The following IGSF9 variants were observed in gnomAD, a reference collection of about 807,000 sequenced individuals.
The protein encoded by IGSF9 is immunoglobulin superfamily member 9, also known as protein turtle homolog A.
A neutral mutation model predicts 121.7 loss-of-function variants in IGSF9; 87 were observed. The observed-to-expected ratio is 0.71, with a 90% CI of 0.60 to 0.85. The LOEUF (loss-of-function observed/expected upper bound fraction) is 0.85. Ranked by LOEUF, IGSF9 falls within the 40% of genes least tolerant of loss-of-function variation. The pLI, the probability that IGSF9 is intolerant of heterozygous loss-of-function variation, is 0.00. For synonymous variants in IGSF9, 640 were observed against 648.4 expected (o/e 0.99, Z 0.20); for missense variants, 1,462 against 1,565.3 (o/e 0.93, Z 1.11).
chr1:159,936,024 G>A (rs1274570813), intron 6 of IGSF9, among the ~76,000 whole-genome samples: 1 of 152,194 alleles, frequency 6.6e-6, no homozygotes, highest in African/African-American at 2.4e-5. Flanking sequence ...GAATTACCAT[G>A]TGCCAGTGAC....
rs143630342 is a variant in IGSF9, at chr1:159,937,758, C to T, written c.328G>A (p.Val110Met). The change falls in exon 4 of 21, where the codon GTG (valine) becomes ATG (methionine). Residue 110 changes from valine (V) to methionine (M), a missense_variant. Coordinates refer to ENST00000368094, the MANE Select transcript of IGSF9 (RefSeq NM_001135050.2). ...VEDQGWYECR[V>M]FFLDQHIPED... ...GGGATGTGCTGGTCCAGGAAGAACA[C>T]GCGGCACTCGTACCAGCCCTGGTCT... 35 of 1,613,940 alleles carry T rather than the reference C, an allele frequency of 2.2e-5. No homozygotes were observed. Among genetic ancestry groups the T allele is most frequent in the Middle Eastern group, 3.3e-4 (2 of 6,080 alleles).
At chr1:159,935,400 T>G (rs1171877559) in intron 6 of IGSF9, among the ~76,000 whole-genome samples, 1 of 152,182 alleles carries the variant, frequency 6.6e-6, no homozygotes. Flanking sequence ...CAGCCATCTT[T>G]CCATATGTCA....
intron 3 of IGSF9, 30 bp from the exon 4 acceptor site, chr1:159,937,868 T>C (rs746806645): frequency 1.1e-4 from 169 of 1,603,386 alleles, no homozygotes; most frequent in Admixed American, 7.0e-4. Context: ...TCAAGGGTGC[T>C]GAAGGAACCC....
intron 17 of IGSF9, 23 bp from the exon 18 acceptor site, chr1:159,929,416 G>C (rs1364778196): frequency 6.2e-7 from 1 of 1,613,584 alleles, no homozygotes; most frequent in East Asian, 2.2e-5. Flanking sequence ...GAGAATAGTA[G>C]GTGACACAGG....
intron 17 of IGSF9, 99 bp downstream of exon 17, chr1:159,929,539 T>C (rs1650894184): frequency 6.7e-7 from 1 of 1,490,408 alleles, no homozygotes; most frequent in Admixed American, 2.1e-5. Context: ...AGAATGCACC[T>C]GGATCACACA....
intron 3 of IGSF9, among the ~76,000 whole-genome samples, chr1:159,942,028 A>G (rs920327135): frequency 1.2e-4 from 18 of 152,232 alleles, no homozygotes; most frequent in African/African-American, 4.3e-4. Flanking sequence ...TAAAGAGGGA[A>G]AAGGTGGGGG....
Position 159,932,648 on chromosome 1 carries a change from G to A in IGSF9, c.1109C>T (p.Pro370Leu), listed in dbSNP as rs116177033. ...DGKALQLDKF[P>L]GWSQGTEGSL... Reference sequence around the variant, plus strand: ...GCCTTCTGTGCCCTGGGACCAGCCAGGGAACTGGAAGGAAGAGAAGATGAC... The same window carrying A: ...GCCTTCTGTGCCCTGGGACCAGCCAAGGAACTGGAAGGAAGAGAAGATGAC... The change falls in exon 10 of 21, where the codon CCT becomes CTT. Residue 370 changes from proline to leucine, a missense_variant. Physicochemically the swap from Pro to Leu is moderately conservative, Grantham distance 98. Coordinates refer to ENST00000368094, the MANE Select transcript of IGSF9 (RefSeq NM_001135050.2). This position sits in a 1 kb window ranked among gnomAD's most constrained non-coding sequence, Gnocchi z 4.1. The A allele has an allele frequency of 3.0e-3, 4,804 of 1,611,158 alleles. 12 individuals carry two copies. The highest frequency in any genetic ancestry group is 3.6e-3 in the Non-Finnish European group (4,196 of 1,178,050).
chr1:159,929,654 G>T lies in IGSF9; in HGVS notation c.2310C>A (p.Arg770=). ...LNRRRAARRR[R]KRLRQDPPLI... ...GGGACTTACCTTGGCGGAGGCGCTT[G>T]CGGCGGCGGCGGGCAGCCCTGCGCC... Residue 770 remains arginine (R), a synonymous_variant, in exon 17 of 21, where the codon CGC becomes CGA. Transcript: ENST00000368094. 2 of 1,589,904 alleles carry T rather than the reference G, an allele frequency of 1.3e-6. No individual in the cohort carries two copies. Among genetic ancestry groups the T allele is most frequent in the Non-Finnish European group, 1.7e-6 (2 of 1,170,152 alleles).
chr1:159,932,558 CTG>C lies in IGSF9; in HGVS notation c.1197_1198del (p.Asn399LysfsTer108), dbSNP rs1557933291. On this transcript the variant is annotated frameshift_variant, in exon 10 of 21. Coordinates refer to ENST00000368094, the MANE Select transcript of IGSF9 (RefSeq NM_001135050.2). LOFTEE classifies it high-confidence loss of function. The surrounding 1 kb of genome is among the most constrained non-coding windows in gnomAD (Gnocchi z 4.1). ...AGGAGAGGGCCCGGCGGTACCAAGA[CTG>C]TTGTAGGGGGTGCAGGAGTATTCTC... The C allele has an allele frequency of 6.2e-7, 1 of 1,614,120 alleles. No individual in the cohort carries two copies. Among genetic ancestry groups the C allele is most frequent in the South Asian group, 1.1e-5 (1 of 91,088 alleles).
chr1:159,933,569 C>T (rs12140093), intron 9 of IGSF9: 8,758 of 153,254 alleles, frequency 0.057, 273 homozygotes, highest in Middle Eastern at 0.071. Flanking sequence ...GCAGGCACTC[C>T]GGCTCCCACC....
At chr1:159,944,270 G>A (rs1352845479) in intron 1 of IGSF9, among the ~76,000 whole-genome samples, 4 of 152,094 alleles carry the variant, frequency 2.6e-5, no homozygotes, top group Non-Finnish European at 5.9e-5. Context: ...AGGACCCGAG[G>A]CCTTTCTCCA....
In IGSF9 at chr1:159,931,683, C is replaced by G; in HGVS notation, c.1363-80G>C. 1.3e-6 allele frequency: 2 copies of G among 1,548,420 alleles called. No individual in the cohort carries two copies. The highest frequency in any genetic ancestry group is 2.3e-5 in the East Asian group (1 of 43,856). On this transcript the variant is annotated intron_variant, in intron 11 of 20. Coordinates refer to ENST00000368094, the MANE Select transcript of IGSF9 (RefSeq NM_001135050.2). The surrounding 1 kb of genome is among the most constrained non-coding windows in gnomAD (Gnocchi z 4.8). ...CGCCCCTCATCTCTCCAGGCAGCTC[C>G]AGTTCCTCCCCACCCTGCCTCTGAC...
At chr1:159,929,060 TC>T in intron 18 of IGSF9, 42 bp from the exon 19 acceptor site, 2 of 1,501,946 alleles carry the variant, frequency 1.3e-6, no homozygotes, top group South Asian at 2.8e-5. Context: ...TAGGGGCAGG[TC>T]CCCCTCCCAG....
chr1:159,931,261 C>T lies in IGSF9; in HGVS notation c.1514G>A (p.Gly505Asp). 1 of 1,614,056 alleles carries T rather than the reference C, an allele frequency of 6.2e-7. No homozygotes were observed. Among genetic ancestry groups the T allele is most frequent in the Non-Finnish European group, 8.5e-7 (1 of 1,179,968 alleles). Residue 505 changes from glycine (G) to aspartate (D), a missense_variant and splice_region_variant, in exon 13 of 21, where the codon GGC becomes GAC. Gly to Asp is a moderately conservative substitution (Grantham distance 94). Coordinates refer to ENST00000368094, the MANE Select transcript of IGSF9 (RefSeq NM_001135050.2). This position sits in a 1 kb window ranked among gnomAD's most constrained non-coding sequence, Gnocchi z 4.8. ...VATSTNVYVL[G>D]TSPHVVTNVS... ...ATTGGTGACAACATGAGGGCTAGTG[C>T]CTAGGCAGGGGGGAATGGAGGGATG... is the stretch of plus-strand genomic sequence containing the variant.
intron 14 of IGSF9, 96 bp downstream of exon 14, chr1:159,930,596 T>C: frequency 1.3e-6 from 2 of 1,567,096 alleles, no homozygotes; most frequent in Admixed American, 3.6e-5. Flanking sequence ...GGCCAGCACC[T>C]CTGCCCCTTC....
chr1:159,929,436 A>C (rs765529836), intron 17 of IGSF9, 43 bp from the exon 18 acceptor site: 1 of 1,604,762 alleles, frequency 6.2e-7, no homozygotes, highest in Non-Finnish European at 8.5e-7. Context: ...GCAAAAATCA[A>C]GGCCCTCTAG....
At chr1:159,936,558 G>T in intron 5 of IGSF9, 42 bp from the exon 6 acceptor site, 1 of 1,588,142 alleles carries the variant, frequency 6.3e-7, no homozygotes. Flanking sequence ...TCCCCTGCCA[G>T]CCTCAGATCC....
Position 159,932,013 on chromosome 1 carries a change from A to G in IGSF9, c.1246-85T>C, listed in dbSNP as rs1651018401. ...CTCTCTCTGTGCTCCCTGTCATGCC[A>G]TGTCTCACCTCACTCTCCCTCACTC... On this transcript the variant is annotated intron_variant, in intron 10 of 20. Coordinates refer to ENST00000368094, the MANE Select transcript of IGSF9 (RefSeq NM_001135050.2). The surrounding 1 kb of genome is among the most constrained non-coding windows in gnomAD (Gnocchi z 4.1). The G allele has an allele frequency of 5.0e-6, 4 of 806,758 alleles. No individual in the cohort carries two copies. The highest frequency in any genetic ancestry group is 3.5e-5 in the African/African-American group (2 of 57,804). 50.0% of individuals were successfully genotyped at this position (806,758 alleles called of 1,614,324 possible).
chr1:159,932,873 G>T lies in IGSF9; in HGVS notation c.1105-221C>A. On this transcript the variant is annotated intron_variant, in intron 9 of 20. Coordinates refer to ENST00000368094, the MANE Select transcript of IGSF9 (RefSeq NM_001135050.2). This position sits in a 1 kb window ranked among gnomAD's most constrained non-coding sequence, Gnocchi z 4.1. Reference sequence around the variant, plus strand: ...TGAGGCTGTGACTGCACAACTCCAGGGGGTGCCACTCACAGAAAATACACT... The same window carrying T: ...TGAGGCTGTGACTGCACAACTCCAGTGGGTGCCACTCACAGAAAATACACT... The T allele has an allele frequency of 2.0e-6, 1 of 500,012 alleles. No individual in the cohort carries two copies. The highest frequency in any genetic ancestry group is 3.5e-6 in the Non-Finnish European group (1 of 286,348). The allele number at this position is 500,012 out of a possible 1,614,324, so 31.0% of individuals were successfully genotyped here. A position where few individuals can be genotyped will look rare whatever the true frequency, so the allele number is the denominator to read the frequency against.
Sources: allele counts gnomAD v4.1 joint callset (sites outside exome capture counted in the v4.1 genomes callset), GRCh38; gene constraint gnomAD v4.1.1; non-coding constraint Gnocchi (gnomAD v3.1); transcripts MANE v1.5; gene names NCBI Gene and HGNC (gene_info 2026-07-23, HGNC 2026-07-21).